The following KIAA1328 variants were observed in gnomAD, a reference collection of about 807,000 sequenced individuals.
The protein encoded by KIAA1328 is KIAA1328.
Under a neutral mutation model 68.1 loss-of-function variants are expected in KIAA1328, and 52 were observed. The observed-to-expected ratio is 0.76, with a 90% CI of 0.61 to 0.96. The LOEUF (loss-of-function observed/expected upper bound fraction) is 0.96, where lower values mean the gene tolerates loss of function less well. Among genes scored for constraint, KIAA1328 ranks in the 40% least tolerant of loss-of-function variants. KIAA1328 has a pLI of 0.00. For synonymous variants in KIAA1328, 232 were observed against 239.4 expected, an observed-to-expected ratio of 0.97 and a Z score of 0.28; for missense variants, 641 against 677.6, an observed-to-expected ratio of 0.95 and a Z score of 0.60.
intron 6 of KIAA1328, among the ~76,000 whole-genome samples, chr18:37,030,374 A>G (rs1308153167): frequency 1.3e-5 from 2 of 152,108 alleles, no homozygotes; most frequent in Non-Finnish European, 2.9e-5. Flanking sequence ...ATTAATTTCA[A>G]AATATTTTCT....
At chr18:37,208,405 A>G (rs1259189054) in intron 9 of KIAA1328, among the ~76,000 whole-genome samples, 2 of 152,224 alleles carry the variant, frequency 1.3e-5, no homozygotes, top group African/African-American at 4.8e-5. Flanking sequence ...GAGAAGGTCA[A>G]AAAACTAAGA....
Position 36,997,022 on chromosome 18 carries a change from G to A in KIAA1328, c.576+37587G>A, listed in dbSNP as rs192697233. Among the ~76,000 whole-genome samples, 12 of 152,150 alleles carry A rather than the reference G, an allele frequency of 7.9e-5. No individual in the cohort carries two copies. In the East Asian group the frequency reaches 2.3e-3, roughly 30 times the overall value. On this transcript the variant is annotated intron_variant, in intron 6 of 9. Coordinates refer to ENST00000280020, the MANE Select transcript of KIAA1328 (RefSeq NM_020776.3). Reference sequence around the variant, plus strand: ...AGAAGGAAGCTACTGTGACGTTTCTGATTGATGCTTTGACTTTCTAGTATG... The same window carrying A: ...AGAAGGAAGCTACTGTGACGTTTCTAATTGATGCTTTGACTTTCTAGTATG...
intron 4 of KIAA1328, among the ~76,000 whole-genome samples, chr18:36,853,290 G>A (rs144324081): frequency 6.6e-6 from 1 of 152,098 alleles, no homozygotes; most frequent in Non-Finnish European, 1.5e-5. Context: ...TATTTGATGA[G>A]TATAACACAT....
chr18:37,034,818 A>AT (rs1373058538), intron 6 of KIAA1328, among the ~76,000 whole-genome samples: 24 of 152,356 alleles, frequency 1.6e-4, no homozygotes, highest in African/African-American at 5.8e-4. Context: ...GAAGTAAAAC[A>AT]TTCAGTCAAC....
Position 37,079,358 on chromosome 18 carries a change from T to A in KIAA1328, c.1232+11813T>A, listed in dbSNP as rs566372511. ...GGTGGGGGGAGAGGGGAGGGATAGC[T>A]TTAGGAGATATACCTAATGCTAAAT... On this transcript the variant is annotated intron_variant, in intron 7 of 9. Coordinates refer to ENST00000280020, the MANE Select transcript of KIAA1328 (RefSeq NM_020776.3). Among the ~76,000 whole-genome samples, 131 of 125,330 alleles carry A rather than the reference T, an allele frequency of 1.0e-3. 11 individuals carry two copies. The highest frequency in any genetic ancestry group is 4.5e-3 in the African/African-American group (117 of 26,146). 82.2% of individuals were successfully genotyped at this position (125,330 alleles called of 152,430 possible).
In KIAA1328 at chr18:37,067,154, C is replaced by T; in HGVS notation, c.841C>T (p.Pro281Ser). 2 of 1,613,902 alleles carry T rather than the reference C, an allele frequency of 1.2e-6. No homozygotes were observed. Among genetic ancestry groups the T allele is most frequent in the Non-Finnish European group, 1.7e-6 (2 of 1,179,878 alleles). ...ATCTCCAGGGAGAAAACCTGCAGTC[C>T]CAACAGAGAAAATGCCACAAGAAGA... Reference protein sequence around the residue: ...CESPGRKPAVPTEKMPQEELH... With the variant: ...CESPGRKPAVSTEKMPQEELH... Residue 281 changes from proline to serine, a missense_variant, in exon 7 of 10, where the codon CCA becomes TCA. By Grantham distance (74) the Pro-to-Ser change is moderately conservative (BLOSUM62 -1). Transcript: ENST00000280020.
intron 7 of KIAA1328, among the ~76,000 whole-genome samples, chr18:37,112,738 C>T (rs1019248544): frequency 2.6e-5 from 4 of 152,090 alleles, no homozygotes; most frequent in Non-Finnish European, 4.4e-5. Context: ...TCGAACCAAT[C>T]GCAAAGAAGC....
chr18:36,957,137 T>G (rs926215941), intron 5 of KIAA1328, among the ~76,000 whole-genome samples: 3 of 152,220 alleles, frequency 2.0e-5, no homozygotes, highest in Non-Finnish European at 4.4e-5. Context: ...CAGTCATGAT[T>G]GGCAAAAGTT....
chr18:36,905,270 G>C (rs997654276), intron 5 of KIAA1328, among the ~76,000 whole-genome samples: 13 of 151,602 alleles, frequency 8.6e-5, no homozygotes, highest in Non-Finnish European at 1.6e-4. Context: ...CACCACCATG[G>C]CATGGCTAAG....
intron 7 of KIAA1328, among the ~76,000 whole-genome samples, chr18:37,076,112 T>C (rs1357618434): frequency 2.0e-5 from 3 of 151,508 alleles, no homozygotes; most frequent in South Asian, 2.1e-4. Context: ...ATGTAAAAGA[T>C]CAGAAATTAT....
At chr18:37,175,274 G>C (rs1185537607) in intron 9 of KIAA1328, among the ~76,000 whole-genome samples, 2 of 152,036 alleles carry the variant, frequency 1.3e-5, no homozygotes, top group African/African-American at 2.4e-5. Context: ...AGTTTAGAGG[G>C]AAGTATGAAA....
intron 7 of KIAA1328, among the ~76,000 whole-genome samples, chr18:37,101,798 A>G (rs545669420): frequency 1.2e-4 from 18 of 152,380 alleles, no homozygotes; most frequent in African/African-American, 2.4e-4. Context: ...AGGGAAACCC[A>G]TCAGACTAAC....
chr18:36,990,545 A>T (rs1021751105), intron 6 of KIAA1328, among the ~76,000 whole-genome samples: 3 of 151,814 alleles, frequency 2.0e-5, no homozygotes. Context: ...ATGGTGACAC[A>T]CATCTGTAAT....
chr18:37,001,648 A>G (rs2629969), intron 6 of KIAA1328, among the ~76,000 whole-genome samples: 111,324 of 152,000 alleles, frequency 0.73, 43,926 homozygotes, highest in South Asian at 0.89. Flanking sequence ...CCAACAGTAC[A>G]TGAAAAACAT....
At chr18:36,912,754 C>T (rs913239745) in intron 5 of KIAA1328, among the ~76,000 whole-genome samples, 5 of 152,058 alleles carry the variant, frequency 3.3e-5, no homozygotes, top group Non-Finnish European at 4.4e-5. Flanking sequence ...AGTTTCGAAC[C>T]GTATGAACTC....
chr18:36,988,711 G>C (rs1171021423), intron 6 of KIAA1328, among the ~76,000 whole-genome samples: 1 of 152,078 alleles, frequency 6.6e-6, no homozygotes, highest in Non-Finnish European at 1.5e-5. Context: ...CAATATGCTT[G>C]GGTTCCTATC....
chr18:37,107,009 C>T (rs895603922), intron 7 of KIAA1328, among the ~76,000 whole-genome samples: 25 of 152,176 alleles, frequency 1.6e-4, no homozygotes, highest in African/African-American at 5.5e-4. Context: ...TTAGGGAGGC[C>T]GATGCGGGCA....
chr18:37,079,985 A>G (rs1481402444), intron 7 of KIAA1328, among the ~76,000 whole-genome samples: 1 of 151,852 alleles, frequency 6.6e-6, no homozygotes, highest in Admixed American at 6.6e-5. Flanking sequence ...ATCAAGTTAT[A>G]TTTTATTATT....
downstream of KIAA1328, among the ~76,000 whole-genome samples, chr18:37,227,383 G>A (rs1376644507): frequency 2.6e-5 from 4 of 152,184 alleles, no homozygotes; most frequent in Non-Finnish European, 5.9e-5. Flanking sequence ...ATGCCATTGA[G>A]GACTTCCGTA....
Sources: gnomAD v4.1 joint callset for allele counts (sites outside exome capture counted in the v4.1 genomes callset) on GRCh38, gnomAD v4.1.1 for gene constraint, MANE v1.5 for transcripts, NCBI Gene and HGNC (gene_info 2026-07-23, HGNC 2026-07-21) for gene names.